The following WWP2 variants were observed in gnomAD, a reference collection of about 807,000 sequenced individuals.
WWP2 encodes WW domain containing E3 ubiquitin protein ligase 2.
A neutral mutation model predicts 121.0 loss-of-function variants in WWP2; 57 were observed. That is an observed-to-expected ratio of 0.47 (90% CI 0.38 to 0.59). The LOEUF (loss-of-function observed/expected upper bound fraction) is 0.59, where lower values mean the gene tolerates loss of function less well. WWP2 is among the 20% of genes least tolerant of loss of function. The pLI, the probability that WWP2 is intolerant of heterozygous loss-of-function variation, is 0.00. For missense variants in WWP2, 962 were observed against 1,158.9 expected (o/e 0.83, Z 2.47); for synonymous variants, 449 against 441.3 (o/e 1.02, Z -0.22).
chr16:69,936,658 G>A, intron 19 of WWP2: 1 of 671,652 alleles, frequency 1.5e-6, no homozygotes, highest in East Asian at 2.9e-5. Context: ...ACTCCCAGCT[G>A]TGCTTTTTCG....
At chr16:69,887,906 T>G in intron 7 of WWP2, 133 bp from the exon 8 acceptor site, 1 of 1,062,816 alleles carries the variant, frequency 9.4e-7, no homozygotes, top group Non-Finnish European at 1.4e-6. Context: ...TTTGTAAAAC[T>G]TTTTGCTGTC....
chr16:69,817,366 A>G (rs1248457441), intron 4 of WWP2, among the ~76,000 whole-genome samples: 2 of 152,144 alleles, frequency 1.3e-5, no homozygotes, highest in Admixed American at 1.3e-4. Flanking sequence ...CTCCCATCTT[A>G]GCCTCCCGAA....
intron 21 of WWP2, among the ~76,000 whole-genome samples, chr16:69,938,165 T>C: frequency 6.6e-6 from 1 of 152,166 alleles, no homozygotes; most frequent in South Asian, 2.1e-4. Context: ...TTGTATAACA[T>C]ACAATTAACT....
intron 1 of WWP2, among the ~76,000 whole-genome samples, 165 bp downstream of exon 1, chr16:69,762,556 G>A (rs2038634957): frequency 6.6e-6 from 1 of 150,832 alleles, no homozygotes; most frequent in African/African-American, 2.4e-5. Flanking sequence ...CCTCCGAGGA[G>A]GGGTGTCCCG....
rs1477330781 is a variant in WWP2 at position 69,793,341 on chromosome 16, G to T, written c.71-5341G>T. Among the ~76,000 whole-genome samples the T allele has an allele frequency of 6.6e-5, 10 of 152,198 alleles. No individual in the cohort carries two copies. In the East Asian group the frequency reaches 1.5e-3, roughly 24 times the overall value. On this transcript the variant is annotated intron_variant, in intron 2 of 23. Transcript: ENST00000359154. ...CACTCCAGCCTGGGTGACAGAGCAA[G>T]ACTCCATCTAAAAAAATAATAATAA...
chr16:69,782,418 G>A (rs535296484), intron 1 of WWP2, among the ~76,000 whole-genome samples: 2 of 152,328 alleles, frequency 1.3e-5, no homozygotes, highest in South Asian at 2.1e-4. Context: ...AGGTGGGGCA[G>A]GAGGAGGATG....
At chr16:69,915,532 T>G (rs972211806) in intron 9 of WWP2, among the ~76,000 whole-genome samples, 1 of 152,106 alleles carries the variant, frequency 6.6e-6, no homozygotes. Flanking sequence ...TTGGGCAACA[T>G]AGTGAGATCC....
At chr16:69,853,145 C>A (rs961688643) in intron 6 of WWP2, among the ~76,000 whole-genome samples, 1 of 152,134 alleles carries the variant, frequency 6.6e-6, no homozygotes, top group Admixed American at 6.5e-5. Context: ...TGGATGAATT[C>A]GGAGCTATAT....
intron 7 of WWP2, among the ~76,000 whole-genome samples, chr16:69,877,098 C>G (rs1275528715): frequency 6.6e-6 from 1 of 152,202 alleles, no homozygotes; most frequent in Non-Finnish European, 1.5e-5. Flanking sequence ...GCATGAACTT[C>G]TCTTTATCTA....
intron 7 of WWP2, among the ~76,000 whole-genome samples, chr16:69,873,484 G>C (rs1385009683): frequency 6.6e-6 from 1 of 152,206 alleles, no homozygotes; most frequent in African/African-American, 2.4e-5. Context: ...TGCAGGTGGG[G>C]AGTCCCAGGG....
intron 4 of WWP2, among the ~76,000 whole-genome samples, chr16:69,815,383 C>T (rs753551231): frequency 4.6e-5 from 7 of 151,916 alleles, no homozygotes; most frequent in Admixed American, 1.3e-4. Flanking sequence ...GCATAGCTCA[C>T]TGTAACCTTG....
chr16:69,775,547 A>G (rs578004983), intron 1 of WWP2, among the ~76,000 whole-genome samples: 15 of 152,234 alleles, frequency 9.9e-5, no homozygotes, highest in African/African-American at 3.4e-4. Context: ...TTGCCCATCT[A>G]TTCTCATGTG....
At chr16:69,767,102 A>G (rs2038749817) in intron 1 of WWP2, among the ~76,000 whole-genome samples, 1 of 148,562 alleles carries the variant, frequency 6.7e-6, no homozygotes, top group Non-Finnish European at 1.5e-5. Flanking sequence ...TAATGAGGCT[A>G]CTCTTCCAAC....
intron 5 of WWP2, among the ~76,000 whole-genome samples, chr16:69,840,651 G>T (rs552958291): frequency 6.6e-6 from 1 of 152,182 alleles, no homozygotes; most frequent in South Asian, 2.1e-4. Flanking sequence ...GGAAGGGTAC[G>T]CTGTGTTCTT....
chr16:69,868,056 A>C (rs2057560544), intron 6 of WWP2, among the ~76,000 whole-genome samples: 1 of 152,260 alleles, frequency 6.6e-6, no homozygotes, highest in Non-Finnish European at 1.5e-5. Flanking sequence ...GAGTTGCCTC[A>C]GATGTTGAGG....
rs138197201 is a variant in WWP2, at chr16:69,878,377, A to G, written c.703+6446A>G. Among the ~76,000 whole-genome samples, 54 of 152,324 alleles carry G rather than the reference A, an allele frequency of 3.5e-4. 1 individual carries two copies. In the East Asian group the frequency reaches 6.6e-3, roughly 19 times the overall value. On this transcript the variant is annotated intron_variant, in intron 7 of 23. Transcript: ENST00000359154. ...GCCTTCAGTTTGTAAAAAATCACATAGTGCAACTCAACAAAACAAGGTATG... is the reference window on the plus strand; with the variant it reads ...GCCTTCAGTTTGTAAAAAATCACATGGTGCAACTCAACAAAACAAGGTATG...
At chr16:69,845,596 CCTT>C (rs1284193799) in intron 6 of WWP2, among the ~76,000 whole-genome samples, 8 of 152,066 alleles carry the variant, frequency 5.3e-5, no homozygotes, top group African/African-American at 1.9e-4. Flanking sequence ...CCTTTCCTCT[CCTT>C]CTTTCCTCTG....
rs922258361 is a variant in WWP2, at chr16:69,908,044, C to A, written c.915-717C>A. 2.0e-5 allele frequency among the ~76,000 whole-genome samples: 3 copies of A among 152,054 alleles called. No homozygotes were observed. In the East Asian group the frequency reaches 5.8e-4, roughly 29 times the overall value. ...TCGCTTGAGCTCAGGGGTTCCAGAC[C>A]AGCCTGGGCAACATGGTGAAACCCG... On this transcript the variant is annotated intron_variant, in intron 8 of 23. Coordinates refer to ENST00000359154, the MANE Select transcript of WWP2 (RefSeq NM_001270454.2).
intron 17 of WWP2, 61 bp downstream of exon 17, chr16:69,934,190 G>A: frequency 6.3e-7 from 1 of 1,588,386 alleles, no homozygotes; most frequent in Non-Finnish European, 8.6e-7. Flanking sequence ...TCCCTCTCCT[G>A]GTGAAGTGTG....
Sources: gnomAD v4.1 joint callset for allele counts (sites outside exome capture counted in the v4.1 genomes callset) on GRCh38, gnomAD v4.1.1 for gene constraint, MANE v1.5 for transcripts, NCBI Gene and HGNC (gene_info 2026-07-23, HGNC 2026-07-21) for gene names.